The following JOSD1 variants were observed in gnomAD, a reference collection of about 807,000 sequenced individuals.
JOSD1 encodes josephin-1.
A neutral mutation model predicts 24.3 loss-of-function variants in JOSD1; 11 were observed. The observed-to-expected ratio is 0.45, with a 90% CI of 0.29 to 0.75. The LOEUF (loss-of-function observed/expected upper bound fraction) is 0.75. Among genes scored for constraint, JOSD1 ranks in the 30% least tolerant of loss-of-function variants. The probability of loss-of-function intolerance (pLI) is 0.11; values close to 1 mark genes in which losing one functional copy is unlikely to be tolerated. For missense variants in JOSD1, 184 were observed against 253.5 expected (o/e 0.73, Z 1.86); for synonymous variants, 106 against 93.8 (o/e 1.13, Z -0.75).
intron 2 of JOSD1, among the ~76,000 whole-genome samples, chr22:38,694,163 C>A (rs1326130075): frequency 6.6e-6 from 1 of 152,228 alleles, no homozygotes; most frequent in Non-Finnish European, 1.5e-5. Context: ...ATTCACCACA[C>A]CAGCACTTGC....
chr22:38,688,906 G>C, intron 4 of JOSD1, 29 bp downstream of exon 4: 1 of 1,592,162 alleles, frequency 6.3e-7, no homozygotes, highest in South Asian at 1.1e-5. Flanking sequence ...AAGCAGCCTA[G>C]CAACTTAGTC....
rs2092564148 is a variant in JOSD1, at chr22:38,700,535, A to T, written c.-548T>A. On this transcript the variant is annotated 5_prime_UTR_variant, in exon 2 of 5. Coordinates refer to ENST00000683374, the MANE Select transcript of JOSD1 (RefSeq NM_001360236.2). ...CGAGCCGCGCGGGGGCCTCGGGGGC[A>T]GCCCTCCATCCCCTCGGGTACGGTG... The T allele has an allele frequency of 1.0e-6, 1 of 986,072 alleles. No homozygotes were observed. Among genetic ancestry groups the T allele is most frequent in the Non-Finnish European group, 1.2e-6 (1 of 830,400 alleles). The allele number at this position is 986,072 out of a possible 1,614,324, so 61.1% of individuals were successfully genotyped here.
upstream of JOSD1, chr22:38,701,395 G>A (rs2092570543): frequency 6.6e-6 from 1 of 152,426 alleles, no homozygotes; most frequent in South Asian, 2.1e-4. Flanking sequence ...CGCTCCTTCT[G>A]CGTTGACTGT....
rs1015949194 is a variant in JOSD1, at chr22:38,700,825, G to A, written c.-657C>T. On this transcript the variant is annotated 5_prime_UTR_variant, in exon 1 of 5. Transcript: ENST00000683374. ...CTCCCCGCCCGTCACGTGAGCGCAGGCCCAGACGCCCTCCCGCCGCGCCCC... is the reference window on the plus strand; with the variant it reads ...CTCCCCGCCCGTCACGTGAGCGCAGACCCAGACGCCCTCCCGCCGCGCCCC... The A allele has an allele frequency of 2.6e-5, 26 of 984,724 alleles. No homozygotes were observed. The African/African-American group carries it at 4.5e-4, about 17-fold the overall frequency. The allele number at this position is 984,724 out of a possible 1,614,324, so 61.0% of individuals were successfully genotyped here.
intron 2 of JOSD1, among the ~76,000 whole-genome samples, chr22:38,692,206 A>T (rs931605718): frequency 5.3e-5 from 8 of 152,202 alleles, no homozygotes; most frequent in African/African-American, 1.9e-4. Flanking sequence ...ACCTATGAGG[A>T]TATGAATTAT....
In JOSD1 at chr22:38,689,138, G is replaced by A. The variant is rs775915534; in HGVS notation, c.315-9C>T. On this transcript the variant is annotated splice_polypyrimidine_tract_variant and intron_variant, in intron 3 of 4. Transcript: ENST00000683374. ...CAATGACACCGACATCCCTGCAGGG[G>A]AGAAATGGTGGCAGGCTCTGATGCA... 1 of 1,609,976 alleles carries A rather than the reference G, an allele frequency of 6.2e-7. No individual in the cohort carries two copies.
At chr22:38,698,768 CTTT>C (rs925326579) in intron 2 of JOSD1, among the ~76,000 whole-genome samples, 9 of 152,066 alleles carry the variant, frequency 5.9e-5, no homozygotes, top group Non-Finnish European at 8.8e-5. Flanking sequence ...AGCTGAACTT[CTTT>C]TTTTGTTTTT....
intron 2 of JOSD1, among the ~76,000 whole-genome samples, chr22:38,696,403 AT>A (rs1010495728): frequency 1.3e-5 from 2 of 151,638 alleles, no homozygotes; most frequent in Non-Finnish European, 2.9e-5. Flanking sequence ...ACCCCAGCTA[AT>A]TTTTGTTTTT....
chr22:38,696,252 T>G (rs79102503), intron 2 of JOSD1, among the ~76,000 whole-genome samples: 1 of 151,572 alleles, frequency 6.6e-6, no homozygotes. Context: ...TTTTTTTTTT[T>G]GAGAGATGGG....
chr22:38,689,339 G>A lies in JOSD1; in HGVS notation c.271C>T (p.Leu91Phe). Residue 91 changes from leucine to phenylalanine, a missense_variant, in exon 3 of 5, where the codon CTT (leucine) becomes TTT (phenylalanine). Leu to Phe is a conservative substitution (Grantham distance 22). Transcript: ENST00000683374. ...ACAGCTTCATAGCCTTTGGTCTGAA[G>A]TGCTGCCATAATGACATTCACATCG... Reference protein sequence around the residue: ...NYDVNVIMAALQTKGYEAVWW... With the variant: ...NYDVNVIMAAFQTKGYEAVWW... 6.2e-7 allele frequency: 1 copy of A among 1,614,228 alleles called. No homozygotes were observed.
chr22:38,700,546 C>A lies in JOSD1; in HGVS notation c.-559G>T, dbSNP rs191498822. ...GGGGCCTCGGGGGCAGCCCTCCATC[C>A]CCTCGGGTACGGTGGGGCCCGCAGG... On this transcript the variant is annotated 5_prime_UTR_variant, in exon 2 of 5. Transcript: ENST00000683374. 2.0e-6 allele frequency: 2 copies of A among 985,762 alleles called. No individual in the cohort carries two copies. The highest frequency in any genetic ancestry group is 1.7e-5 in the African/African-American group (1 of 57,250). 61.1% of individuals were successfully genotyped at this position (985,762 alleles called of 1,614,324 possible). A position where few individuals can be genotyped will look rare whatever the true frequency, so the allele number is the denominator to read the frequency against.
At position 38,688,021 on chromosome 22, in the gene JOSD1, G is replaced by A. The variant is rs747628762; in HGVS notation, c.510-20C>T. On this transcript the variant is annotated intron_variant, in intron 4 of 4. Transcript: ENST00000683374. ...AACTTCCTATGGAAAAAGAGATAGAGAAAATGAAATGCTGGCAAGTTGCAA... is the reference window on the plus strand; with the variant it reads ...AACTTCCTATGGAAAAAGAGATAGAAAAAATGAAATGCTGGCAAGTTGCAA... 1.7e-5 allele frequency: 27 copies of A among 1,577,762 alleles called. No homozygotes were observed. The highest frequency in any genetic ancestry group is 2.4e-5 in the Non-Finnish European group (27 of 1,147,316).
Position 38,687,942 on chromosome 22 carries a change from T to G in JOSD1, c.569A>C (p.Glu190Ala). The G allele has an allele frequency of 1.2e-6, 2 of 1,614,072 alleles. No individual in the cohort carries two copies. The highest frequency in any genetic ancestry group is 1.1e-5 in the South Asian group (1 of 91,082). Residue 190 changes from glutamate (E) to alanine (A), a missense_variant, in exon 5 of 5, where the codon GAA becomes GCA. Transcript: ENST00000683374. ...KNCELLLVVP[E>A]EVEAHQSWRT... is the part of the protein sequence containing the mutation. ...CCAACTCTGATGAGCCTCTACCTCT[T>G]CTGGTACCACCAGCAGGAGTTCACA...
intron 2 of JOSD1, among the ~76,000 whole-genome samples, chr22:38,692,641 T>C (rs1356291675): frequency 6.7e-6 from 1 of 149,724 alleles, no homozygotes; most frequent in Non-Finnish European, 1.5e-5. Flanking sequence ...ATTAGCCAGG[T>C]GTGGTGGCAG....
At chr22:38,689,579 TG>T (rs2092512966) in intron 2 of JOSD1, among the ~76,000 whole-genome samples, 155 bp from the exon 3 acceptor site, 1 of 152,216 alleles carries the variant, frequency 6.6e-6, no homozygotes, top group South Asian at 2.1e-4. Flanking sequence ...CTAAGTATTT[TG>T]TAAGTGTTCC....
At chr22:38,690,402 TTTTC>T (rs1185959117) in intron 2 of JOSD1, among the ~76,000 whole-genome samples, 2 of 152,118 alleles carry the variant, frequency 1.3e-5, no homozygotes, top group Non-Finnish European at 2.9e-5. Context: ...CTGGTATTTT[TTTTC>T]TTTCTTTTTT....
At position 38,685,617 on chromosome 22, in the gene JOSD1, T is replaced by C. The variant is rs887393953; in HGVS notation, c.*2285A>G. On this transcript the variant is annotated 3_prime_UTR_variant, in exon 5 of 5. Transcript: ENST00000683374. ...TAGAATTCAGGCAGACAAGGAGACA[T>C]ATATGGAGTTTTCCATTTTTAATAT... 1.3e-5 allele frequency: 2 copies of C among 150,930 alleles called. No individual in the cohort carries two copies. The highest frequency in any genetic ancestry group is 5.0e-5 in the African/African-American group (2 of 39,906). The allele number at this position is 150,930 out of a possible 1,614,324, so 9.3% of individuals were successfully genotyped here. A position where few individuals can be genotyped will look rare whatever the true frequency, so the allele number is the denominator to read the frequency against.
rs536823736 is a variant in JOSD1, at chr22:38,685,918, T to A, written c.*1984A>T. ...CATTGGCTCATGGACTCCAAGTGCA[T>A]GGGGACTCTTTCAAGTGCCATTTGC... On this transcript the variant is annotated 3_prime_UTR_variant, in exon 5 of 5. Coordinates refer to ENST00000683374, the MANE Select transcript of JOSD1 (RefSeq NM_001360236.2). 2 of 152,768 alleles carry A rather than the reference T, an allele frequency of 1.3e-5. No individual in the cohort carries two copies. The highest frequency in any genetic ancestry group is 4.8e-5 in the African/African-American group (2 of 41,568). The allele number at this position is 152,768 out of a possible 1,614,324, so 9.5% of individuals were successfully genotyped here. A position where few individuals can be genotyped will look rare whatever the true frequency, so the allele number is the denominator to read the frequency against.
chr22:38,693,678 C>T (rs534958810), intron 2 of JOSD1, among the ~76,000 whole-genome samples: 6 of 152,308 alleles, frequency 3.9e-5, no homozygotes, highest in African/African-American at 1.4e-4. Context: ...CTCCTGGGCT[C>T]AACTGATTCT....
Sources: gnomAD v4.1 joint callset for allele counts (sites outside exome capture counted in the v4.1 genomes callset) on GRCh38, gnomAD v4.1.1 for gene constraint, MANE v1.5 for transcripts, NCBI Gene and HGNC (gene_info 2026-07-23, HGNC 2026-07-21) for gene names.